Variants in LDHAL6A observed in about 807,000 individuals in gnomAD.
LDHAL6A encodes L-lactate dehydrogenase A-like 6A.
Under a neutral mutation model 28.2 loss-of-function variants are expected in LDHAL6A, and 19 were observed. That is an observed-to-expected ratio of 0.67 (90% CI 0.47 to 0.99). The LOEUF (loss-of-function observed/expected upper bound fraction) is 0.99. Ranked by LOEUF, LDHAL6A falls within the 50% of genes least tolerant of loss-of-function variation. The pLI, the probability that LDHAL6A is intolerant of heterozygous loss-of-function variation, is 0.00. For synonymous variants in LDHAL6A, 144 were observed against 134.4 expected (o/e 1.07, Z -0.49); for missense variants, 372 against 398.6 (o/e 0.93, Z 0.57).
At chr11:18,463,871 A>G in intron 1 of LDHAL6A, 90 bp from the exon 2 acceptor site, 1 of 788,084 alleles carries the variant, frequency 1.3e-6, no homozygotes, top group Non-Finnish European at 2.3e-6. Context: ...TTCACAAGCT[A>G]GACATAGATC....
chr11:18,478,485 G>A (rs1312934350), intron 6 of LDHAL6A, among the ~76,000 whole-genome samples: 6 of 152,148 alleles, frequency 3.9e-5, no homozygotes, highest in South Asian at 4.2e-4. Context: ...GCGTGAACCC[G>A]GGAGGCGGAG....
Position 18,463,945 on chromosome 11 carries a change from T to G in LDHAL6A, c.127-16T>G. On this transcript the variant is annotated splice_polypyrimidine_tract_variant and intron_variant, in intron 1 of 6. Coordinates refer to ENST00000280706, the MANE Select transcript of LDHAL6A (RefSeq NM_144972.5). Reference sequence around the variant, plus strand: ...AGAGATACACTCACACCCATTGGACTAACAATGTTTTTCAGGGTTTGAGTG... The same window carrying G: ...AGAGATACACTCACACCCATTGGACGAACAATGTTTTTCAGGGTTTGAGTG... 15 of 1,546,882 alleles carry G rather than the reference T, an allele frequency of 9.7e-6. No individual in the cohort carries two copies. Among genetic ancestry groups the G allele is most frequent in the Non-Finnish European group, 1.3e-5 (15 of 1,119,438 alleles).
chr11:18,478,950 T>A lies in LDHAL6A; in HGVS notation c.*80T>A. Reference sequence around the variant, plus strand: ...TATATGTCAAACTTTTGAATAAATTTGAATTTCTAAAAGTTGGAAAAATAG... The same window carrying A: ...TATATGTCAAACTTTTGAATAAATTAGAATTTCTAAAAGTTGGAAAAATAG... On this transcript the variant is annotated 3_prime_UTR_variant, in exon 7 of 7. Coordinates refer to ENST00000280706, the MANE Select transcript of LDHAL6A (RefSeq NM_144972.5). 4 of 1,243,704 alleles carry A rather than the reference T, an allele frequency of 3.2e-6. No homozygotes were observed. Among genetic ancestry groups the A allele is most frequent in the Non-Finnish European group, 4.5e-6 (4 of 893,566 alleles). The allele number at this position is 1,243,704 out of a possible 1,614,324, so 77.0% of individuals were successfully genotyped here.
In LDHAL6A at chr11:18,478,820, CAA is replaced by C. The variant is rs771124054; in HGVS notation, c.952_953del (p.Lys318GlufsTer25). 2 of 1,613,842 alleles carry C rather than the reference CAA, an allele frequency of 1.2e-6. No homozygotes were observed. The highest frequency in any genetic ancestry group is 2.2e-5 in the East Asian group (1 of 44,860). ...GACTCTTGAAGAGGAGGCCTGCTTG[CAA>C]AAGAGTGCAGAAACACTTTGGGAAA... ...KLTLEEEACLQKSAETLWEIQ... is the reference protein window; with the variant it reads ...KLTLEEEACLXKSAETLWEIQ... On this transcript the variant is annotated frameshift_variant, in exon 7 of 7. Transcript: ENST00000280706. LOFTEE classifies it high-confidence loss of function.
chr11:18,472,051 T>C (rs957536008), intron 3 of LDHAL6A, among the ~76,000 whole-genome samples: 1 of 152,148 alleles, frequency 6.6e-6, no homozygotes, highest in South Asian at 2.1e-4. Context: ...TTCAAATCTA[T>C]AGTCATTTAC....
chr11:18,478,463 G>T (rs1180869018), intron 6 of LDHAL6A, among the ~76,000 whole-genome samples: 1 of 152,156 alleles, frequency 6.6e-6, no homozygotes, highest in South Asian at 2.1e-4. Flanking sequence ...GGGAGGCTGA[G>T]GTGGGAGAAT....
rs1848756701 is a variant in LDHAL6A at position 18,456,421 on chromosome 11, T to C, written c.-260T>C. ...CTGTTCCTTTCCTCTCTCTCTCTCT[T>C]AATTCCTCTTAACTGTACTCACGCT... On this transcript the variant is annotated 5_prime_UTR_variant, in exon 1 of 7. Transcript: ENST00000280706. The C allele has an allele frequency of 1.8e-5, 7 of 382,116 alleles. No individual in the cohort carries two copies. Among genetic ancestry groups the C allele is most frequent in the Non-Finnish European group, 2.8e-5 (6 of 214,408 alleles). The allele number at this position is 382,116 out of a possible 1,614,324, so 23.7% of individuals were successfully genotyped here.
At chr11:18,467,882 T>C (rs10832937) in intron 3 of LDHAL6A, among the ~76,000 whole-genome samples, 25,129 of 41,146 alleles carry the variant, frequency 0.61, 6,754 homozygotes, top group Middle Eastern at 0.66. Context: ...TATACACACA[T>C]ATATATATAT....
intron 3 of LDHAL6A, among the ~76,000 whole-genome samples, chr11:18,466,632 T>C (rs887376921): frequency 1.9e-4 from 26 of 137,996 alleles, no homozygotes; most frequent in African/African-American, 6.9e-4. Context: ...CCAGCCTGGG[T>C]CACAGTGAGA....
At chr11:18,468,015 A>ATG (rs1849154096) in intron 3 of LDHAL6A, among the ~76,000 whole-genome samples, 4 of 62,966 alleles carry the variant, frequency 6.4e-5, no homozygotes, top group Non-Finnish European at 1.1e-4. Flanking sequence ...ATATATATAC[A>ATG]TATATATACG....
chr11:18,464,499 G>A (rs1057230258), intron 2 of LDHAL6A, among the ~76,000 whole-genome samples: 2 of 152,184 alleles, frequency 1.3e-5, no homozygotes, highest in Non-Finnish European at 2.9e-5. Flanking sequence ...TGGATCACCT[G>A]AGGTTGGGAG....
intron 3 of LDHAL6A, among the ~76,000 whole-genome samples, chr11:18,466,249 T>C (rs951796012): frequency 6.6e-6 from 1 of 151,220 alleles, no homozygotes; most frequent in Non-Finnish European, 1.5e-5. Flanking sequence ...AAGAATTTAA[T>C]GAATATTAAA....
chr11:18,475,375 AC>A (rs1441672650), intron 3 of LDHAL6A, 90 bp from the exon 4 acceptor site: 1 of 1,023,458 alleles, frequency 9.8e-7, no homozygotes, highest in Non-Finnish European at 1.5e-6. Flanking sequence ...CCTCCACAAA[AC>A]ATCAGATTTA....
intron 1 of LDHAL6A, among the ~76,000 whole-genome samples, chr11:18,461,905 C>T (rs544707665): frequency 2.3e-4 from 34 of 148,806 alleles, no homozygotes; most frequent in African/African-American, 8.4e-4. Context: ...ACGCTTGTAA[C>T]TTTGGTAGGC....
intron 3 of LDHAL6A, among the ~76,000 whole-genome samples, chr11:18,466,671 AG>A (rs200773424): frequency 1.3e-5 from 2 of 150,816 alleles, no homozygotes; most frequent in Non-Finnish European, 1.5e-5. Context: ...AAAAAAAAAA[AG>A]TAGTGTGTAT....
chr11:18,463,195 T>C (rs1848970387), intron 1 of LDHAL6A, among the ~76,000 whole-genome samples: 1 of 152,144 alleles, frequency 6.6e-6, no homozygotes, highest in African/African-American at 2.4e-5. Context: ...GGTGGGGCCT[T>C]TAAGAGTTGA....
At chr11:18,478,131 T>A (rs1407658583) in intron 6 of LDHAL6A, among the ~76,000 whole-genome samples, 1 of 152,134 alleles carries the variant, frequency 6.6e-6, no homozygotes, top group African/African-American at 2.4e-5. Flanking sequence ...ACAAAATAAT[T>A]AGCAGTTAGT....
At chr11:18,462,277 G>GT in intron 1 of LDHAL6A, among the ~76,000 whole-genome samples, 1 of 152,082 alleles carries the variant, frequency 6.6e-6, no homozygotes, top group South Asian at 2.1e-4. Flanking sequence ...GGGGCAGGTG[G>GT]ATCACTTGAA....
At chr11:18,467,940 C>CATATATATATACGTATATAT (rs1849132125) in intron 3 of LDHAL6A, among the ~76,000 whole-genome samples, 2 of 55,788 alleles carry the variant, frequency 3.6e-5, no homozygotes, top group African/African-American at 1.7e-4. Context: ...TATATATACA[C>CATATATATATACGTATATAT]ACACATATAT....
Sources: allele counts gnomAD v4.1 joint callset (sites outside exome capture counted in the v4.1 genomes callset), GRCh38; gene constraint gnomAD v4.1.1; transcripts MANE v1.5; gene names NCBI Gene and HGNC (gene_info 2026-07-23, HGNC 2026-07-21).